MALRD1: variants seen among roughly 807,000 people sequenced by gnomAD.
The protein encoded by MALRD1 is MAM and LDL-receptor class A domain-containing protein 1.
MALRD1 carries 247 observed loss-of-function variants against 242.1 expected under a neutral mutation model. That is an observed-to-expected ratio of 1.02 (90% CI 0.92 to 1.13). MALRD1 has a LOEUF of 1.13. Among genes scored for constraint, MALRD1 ranks in the 50% most tolerant of loss-of-function variants. MALRD1 has a pLI of 0.00. For missense variants in MALRD1, 2,989 were observed against 2,533.1 expected (o/e 1.18, Z -3.86); for synonymous variants, 995 against 866.6 (o/e 1.15, Z -2.60).
chr10:19,622,660 A>AAC (rs1554815722), intron 36 of MALRD1, among the ~76,000 whole-genome samples: 81 of 150,940 alleles, frequency 5.4e-4, no homozygotes, highest in South Asian at 2.1e-3. Context: ...AAAAAAAAAA[A>AAC]CAAACTATGA....
At chr10:19,407,599 A>G (rs1027785989) in intron 28 of MALRD1, among the ~76,000 whole-genome samples, 7 of 152,250 alleles carry the variant, frequency 4.6e-5, no homozygotes, top group Non-Finnish European at 8.8e-5. Context: ...AAGGCAACTA[A>G]TAAACCTATA....
chr10:19,190,948 A>G (rs1835949628), intron 14 of MALRD1, among the ~76,000 whole-genome samples: 1 of 152,204 alleles, frequency 6.6e-6, no homozygotes, highest in Non-Finnish European at 1.5e-5. Context: ...TAAAAAATAG[A>G]CAAATTGGAC....
chr10:19,681,248 G>C (rs1358044107), intron 36 of MALRD1, among the ~76,000 whole-genome samples: 2 of 152,132 alleles, frequency 1.3e-5, no homozygotes, highest in Non-Finnish European at 2.9e-5. Context: ...CGTGAAGTAT[G>C]TTTTCCAACC....
chr10:19,692,109 C>T (rs1004943298), intron 36 of MALRD1, among the ~76,000 whole-genome samples, 173 bp from the exon 37 acceptor site: 1 of 151,986 alleles, frequency 6.6e-6, no homozygotes, highest in Non-Finnish European at 1.5e-5. Context: ...GAAAATAATA[C>T]AATTTAATTT....
At chr10:19,216,071 T>G (rs951025705) in intron 18 of MALRD1, among the ~76,000 whole-genome samples, 1 of 151,252 alleles carries the variant, frequency 6.6e-6, no homozygotes, top group African/African-American at 2.4e-5. Context: ...CTTCTGCTGA[T>G]TAAGTAATAC....
intron 36 of MALRD1, among the ~76,000 whole-genome samples, chr10:19,652,430 A>G (rs1840943076): frequency 6.6e-6 from 1 of 152,172 alleles, no homozygotes; most frequent in Non-Finnish European, 1.5e-5. Flanking sequence ...GGAAGGTGAA[A>G]TTTCAAAGGT....
At chr10:19,427,835 A>G (rs375654784) in intron 28 of MALRD1, among the ~76,000 whole-genome samples, 3 of 152,290 alleles carry the variant, frequency 2.0e-5, no homozygotes, top group African/African-American at 7.2e-5. Context: ...TTTACTGAGC[A>G]TCTTCTGTGT....
intron 4 of MALRD1, among the ~76,000 whole-genome samples, chr10:19,102,034 ATATT>A (rs1471333289): frequency 7.4e-6 from 1 of 135,464 alleles, no homozygotes; most frequent in South Asian, 2.2e-4. Context: ...ATTATAAACT[ATATT>A]TAATTATAAT....
At chr10:19,137,674 GC>G (rs1833399138) in intron 10 of MALRD1, among the ~76,000 whole-genome samples, 1 of 151,058 alleles carries the variant, frequency 6.6e-6, no homozygotes, top group South Asian at 2.1e-4. Context: ...GGGCCAAAGT[GC>G]CCCAACACCT....
At chr10:19,708,742 A>T (rs1833977418) in intron 38 of MALRD1, among the ~76,000 whole-genome samples, 1 of 121,538 alleles carries the variant, frequency 8.2e-6, no homozygotes, top group African/African-American at 2.6e-5. Flanking sequence ...GCTCACCACA[A>T]CCTCCGCCTC....
intron 29 of MALRD1, among the ~76,000 whole-genome samples, chr10:19,472,070 T>A: frequency 6.6e-6 from 1 of 152,096 alleles, no homozygotes; most frequent in African/African-American, 2.4e-5. Flanking sequence ...TTATGTTGAG[T>A]TAATTCCTTC....
At chr10:19,400,651 A>G (rs971689859) in intron 28 of MALRD1, among the ~76,000 whole-genome samples, 7 of 152,248 alleles carry the variant, frequency 4.6e-5, no homozygotes, top group Admixed American at 4.6e-4. Flanking sequence ...TGAAATATTT[A>G]TAGACTGAAA....
At chr10:19,233,599 A>C (rs1838175908) in intron 18 of MALRD1, among the ~76,000 whole-genome samples, 1 of 152,188 alleles carries the variant, frequency 6.6e-6, no homozygotes, top group South Asian at 2.1e-4. Context: ...AAGAAAAAAA[A>C]AAGTAGAAAC....
intron 18 of MALRD1, among the ~76,000 whole-genome samples, chr10:19,248,985 GTTATATAT>G (rs1263492719): frequency 2.8e-5 from 4 of 140,972 alleles, no homozygotes; most frequent in African/African-American, 1.0e-4. Flanking sequence ...ATAAATATAT[GTTATATAT>G]TTATATTAAA....
At position 19,591,007 on chromosome 10, in the gene MALRD1, C is replaced by T. The variant is rs1589278412; in HGVS notation, c.5681-4187C>T. On this transcript the variant is annotated intron_variant, in intron 33 of 39. Coordinates refer to ENST00000454679, the MANE Select transcript of MALRD1 (RefSeq NM_001142308.3). The stretch of plus-strand genomic sequence containing the variant: ...ATCCACCATTATAATATGACACATA[C>T]AGTTAGTTTCACCGCCCTAAAAATC... 2.6e-5 allele frequency among the ~76,000 whole-genome samples: 4 copies of T among 152,164 alleles called. No homozygotes were observed. The South Asian group carries it at 8.3e-4, about 32-fold the overall frequency.
At chr10:19,587,229 A>T (rs74557630) in intron 33 of MALRD1, among the ~76,000 whole-genome samples, 2,054 of 152,268 alleles carry the variant, frequency 0.013, 34 homozygotes, top group African/African-American at 0.047. Context: ...AGCTGTTCCT[A>T]TTTGGCCATC....
At chr10:19,224,542 T>C (rs1358640745) in intron 18 of MALRD1, among the ~76,000 whole-genome samples, 1 of 152,300 alleles carries the variant, frequency 6.6e-6, no homozygotes, top group Admixed American at 6.5e-5. Flanking sequence ...CCACTCGCCT[T>C]GGCCTCCCAA....
intron 28 of MALRD1, among the ~76,000 whole-genome samples, chr10:19,401,317 G>A (rs1200445483): frequency 1.3e-5 from 2 of 151,808 alleles, no homozygotes; most frequent in Non-Finnish European, 2.9e-5. Flanking sequence ...AACATATTTA[G>A]CTTTAATTTA....
chr10:19,153,684 G>A (rs914998853), intron 11 of MALRD1, among the ~76,000 whole-genome samples: 3 of 140,374 alleles, frequency 2.1e-5, no homozygotes, highest in Non-Finnish European at 4.7e-5. Context: ...GCCAGACCCT[G>A]TCTCAGGAAA....
Sources: gnomAD v4.1 joint callset for allele counts (sites outside exome capture counted in the v4.1 genomes callset) on GRCh38, gnomAD v4.1.1 for gene constraint, MANE v1.5 for transcripts, NCBI Gene and HGNC (gene_info 2026-07-23, HGNC 2026-07-21) for gene names.